The following CNGA1 variants were observed in gnomAD, a reference collection of about 807,000 sequenced individuals.
The protein encoded by CNGA1 is cyclic nucleotide-gated channel alpha-1.
In CNGA1, 53 loss-of-function variants were observed where a neutral mutation model predicts 69.7. The observed-to-expected ratio is 0.76, with a 90% CI of 0.61 to 0.96. CNGA1 has a LOEUF of 0.96. CNGA1 is among the 40% of genes least tolerant of loss of function. CNGA1 has a pLI of 0.00. For missense variants in CNGA1, 739 were observed against 811.2 expected (o/e 0.91, Z 1.08); for synonymous variants, 249 against 283.5 (o/e 0.88, Z 1.22).
intron 6 of CNGA1, among the ~76,000 whole-genome samples, chr4:47,945,852 G>A (rs960781103): frequency 6.6e-6 from 1 of 152,110 alleles, no homozygotes; most frequent in African/African-American, 2.4e-5. Flanking sequence ...AGAGACTACT[G>A]CAAAATCAAC....
At chr4:48,008,295 T>C in intron 2 of CNGA1, among the ~76,000 whole-genome samples, 1 of 152,194 alleles carries the variant, frequency 6.6e-6, no homozygotes, top group East Asian at 1.9e-4. Flanking sequence ...CATTTTATTC[T>C]AGGTCTAAAT....
In CNGA1 at chr4:47,947,528, G is replaced by A. The variant is rs1739472499; in HGVS notation, c.287+2305C>T. 2.0e-5 allele frequency among the ~76,000 whole-genome samples: 3 copies of A among 152,242 alleles called. No individual in the cohort carries two copies. In the South Asian group the frequency reaches 6.2e-4, roughly 32 times the overall value. On this transcript the variant is annotated intron_variant, in intron 6 of 10. Transcript: ENST00000514170. Reference sequence around the variant, plus strand: ...CCACTAAAAATACAAAAATTAGCCAGGCGTGGTGGCTCACGCCTGTAATCC... The same window carrying A: ...CCACTAAAAATACAAAAATTAGCCAAGCGTGGTGGCTCACGCCTGTAATCC...
At chr4:47,997,548 T>C (rs1714436874) in intron 2 of CNGA1, among the ~76,000 whole-genome samples, 1 of 152,160 alleles carries the variant, frequency 6.6e-6, no homozygotes, top group Non-Finnish European at 1.5e-5. Flanking sequence ...GTACTCATAT[T>C]AGTAATAAAA....
chr4:47,976,188 T>C (rs1268005795), intron 3 of CNGA1, among the ~76,000 whole-genome samples: 2 of 44,038 alleles, frequency 4.5e-5, no homozygotes, highest in Non-Finnish European at 8.5e-5. Flanking sequence ...CATATATATA[T>C]ACATATATAT....
At chr4:47,969,757 A>G (rs1241203123) in intron 3 of CNGA1, among the ~76,000 whole-genome samples, 3 of 152,078 alleles carry the variant, frequency 2.0e-5, no homozygotes, top group African/African-American at 7.2e-5. Context: ...GGAATAAGCC[A>G]CCACGCCCCG....
At chr4:47,958,037 G>A (rs1264629273) in intron 3 of CNGA1, among the ~76,000 whole-genome samples, 3 of 151,734 alleles carry the variant, frequency 2.0e-5, no homozygotes, top group Non-Finnish European at 4.4e-5. Flanking sequence ...TGGGACTACA[G>A]GTGCGTGCCA....
chr4:47,939,017 GAAGA>G (rs58284554), intron 10 of CNGA1, among the ~76,000 whole-genome samples: 2,081 of 149,756 alleles, frequency 0.014, 52 homozygotes, highest in African/African-American at 0.048. Flanking sequence ...GAAAGAGAAA[GAAGA>G]AAGAAAGAAA....
chr4:47,940,398 C>G (rs186053619), intron 10 of CNGA1, among the ~76,000 whole-genome samples: 1 of 152,284 alleles, frequency 6.6e-6, no homozygotes, highest in African/African-American at 2.4e-5. Flanking sequence ...TATGGCTCTG[C>G]TGAGGACAAT....
chr4:47,967,950 C>A (rs1740813930), intron 3 of CNGA1, among the ~76,000 whole-genome samples: 1 of 152,060 alleles, frequency 6.6e-6, no homozygotes, highest in Non-Finnish European at 1.5e-5. Flanking sequence ...TGCACTCCAG[C>A]CTGGGTGACA....
chr4:47,973,821 AATGAT>A (rs1741176559), intron 3 of CNGA1, among the ~76,000 whole-genome samples: 1 of 152,274 alleles, frequency 6.6e-6, no homozygotes, highest in Non-Finnish European at 1.5e-5. Context: ...TTTATAATAA[AATGAT>A]ATATTTCAAT....
At position 47,936,811 on chromosome 4, in the gene CNGA1, T is replaced by G. The variant is rs1478995088; in HGVS notation, c.1671A>C (p.Arg557Ser). 1 of 1,614,198 alleles carries G rather than the reference T, an allele frequency of 6.2e-7. No individual in the cohort carries two copies. The highest frequency in any genetic ancestry group is 2.2e-5 in the East Asian group (1 of 44,880). ...AGCCAATACTTTTAATATTGGCCGT[T>G]CTTCGATTGCCAGCTTTGCTCCCTT... ...NIKGSKAGNR[R>S]TANIKSIGYS... The change falls in exon 11 of 11, where the codon AGA becomes AGC. Residue 557 changes from arginine to serine, a missense_variant. Coordinates refer to ENST00000514170, the MANE Select transcript of CNGA1 (RefSeq NM_001379270.1).
At chr4:47,970,612 A>G (rs1740962011) in intron 3 of CNGA1, among the ~76,000 whole-genome samples, 1 of 151,066 alleles carries the variant, frequency 6.6e-6, no homozygotes, top group South Asian at 2.1e-4. Context: ...AGATTGTGCC[A>G]TTGCATTCCA....
In CNGA1 at chr4:47,982,721, T is replaced by C. The variant is rs543217822; in HGVS notation, c.-122-1221A>G. On this transcript the variant is annotated intron_variant, in intron 2 of 10. Transcript: ENST00000514170. ...CGTTCTTTTTAAGATTACATAATCTTCTATTGTATTTCATTATACCATAAT... is the reference window on the plus strand; with the variant it reads ...CGTTCTTTTTAAGATTACATAATCTCCTATTGTATTTCATTATACCATAAT... Among the ~76,000 whole-genome samples the C allele has an allele frequency of 1.4e-4, 21 of 152,294 alleles. No homozygotes were observed. The East Asian group carries it at 3.9e-3, about 28-fold the overall frequency.
At chr4:47,944,284 A>G (rs755472203) in intron 6 of CNGA1, among the ~76,000 whole-genome samples, 8 of 152,210 alleles carry the variant, frequency 5.3e-5, no homozygotes, top group Non-Finnish European at 1.0e-4. Flanking sequence ...GAATGACCCA[A>G]CAGAAGTGGA....
At position 47,936,313 on chromosome 4, in the gene CNGA1, A is replaced by C; in HGVS notation, c.*108T>G. On this transcript the variant is annotated 3_prime_UTR_variant, in exon 11 of 11. Coordinates refer to ENST00000514170, the MANE Select transcript of CNGA1 (RefSeq NM_001379270.1). ...GCACCAAAGCACATTTTCCTCATGGAAAAATTTCCCAACTGAGTCTTCCTC... is the reference window on the plus strand; with the variant it reads ...GCACCAAAGCACATTTTCCTCATGGCAAAATTTCCCAACTGAGTCTTCCTC... 1 of 1,265,860 alleles carries C rather than the reference A, an allele frequency of 7.9e-7. No individual in the cohort carries two copies. The highest frequency in any genetic ancestry group is 1.1e-6 in the Non-Finnish European group (1 of 882,308). The allele number at this position is 1,265,860 out of a possible 1,614,324, so 78.4% of individuals were successfully genotyped here. A position where few individuals can be genotyped will look rare whatever the true frequency, so the allele number is the denominator to read the frequency against.
chr4:47,960,860 G>A (rs1740398002), intron 3 of CNGA1, among the ~76,000 whole-genome samples: 1 of 152,124 alleles, frequency 6.6e-6, no homozygotes, highest in Non-Finnish European at 1.5e-5. Context: ...TTAAGGACAG[G>A]CAAAACATTG....
intron 1 of CNGA1, among the ~76,000 whole-genome samples, chr4:48,011,823 G>A (rs895818022): frequency 1.3e-5 from 2 of 152,162 alleles, no homozygotes; most frequent in African/African-American, 4.8e-5. Context: ...CTAAAGACAC[G>A]GGATTCATAG....
chr4:47,949,665 AAATG>A (rs1239240399), intron 6 of CNGA1, among the ~76,000 whole-genome samples, 164 bp downstream of exon 6: 3 of 152,242 alleles, frequency 2.0e-5, no homozygotes, highest in African/African-American at 7.2e-5. Context: ...GTATTCAAAT[AAATG>A]AATGAACACT....
At chr4:47,991,139 T>C (rs1280819854) in intron 2 of CNGA1, among the ~76,000 whole-genome samples, 1 of 152,212 alleles carries the variant, frequency 6.6e-6, no homozygotes, top group African/African-American at 2.4e-5. Context: ...GTATCCTTTT[T>C]GTATAACAAC....
Sources: allele counts gnomAD v4.1 joint callset (sites outside exome capture counted in the v4.1 genomes callset), GRCh38; gene constraint gnomAD v4.1.1; transcripts MANE v1.5; gene names NCBI Gene and HGNC (gene_info 2026-07-23, HGNC 2026-07-21).